CEP78: variants seen among roughly 807,000 people sequenced by gnomAD.
CEP78 encodes the protein centrosomal protein of 78 kDa.
In CEP78, 76 loss-of-function variants were observed where a neutral mutation model predicts 81.2. The observed-to-expected ratio is 0.94, with a 90% CI of 0.78 to 1.13. The LOEUF (loss-of-function observed/expected upper bound fraction) is 1.13, where lower values mean the gene tolerates loss of function less well. Ranked by LOEUF, CEP78 falls within the 50% of genes most tolerant of loss-of-function variation. The probability of loss-of-function intolerance (pLI) is 0.00; values close to 1 mark genes in which losing one functional copy is unlikely to be tolerated. For synonymous variants in CEP78, 293 were observed against 301.4 expected, an observed-to-expected ratio of 0.97 and a Z score of 0.29; for missense variants, 918 against 846.8, an observed-to-expected ratio of 1.08 and a Z score of -1.04.
Position 78,266,434 on chromosome 9 carries a change from C to T in CEP78, c.1846-8C>T. On this transcript the variant is annotated splice_polypyrimidine_tract_variant and splice_region_variant and intron_variant, in intron 15 of 16. Coordinates refer to ENST00000643273, the MANE Select transcript of CEP78 (RefSeq NM_001330691.3). ...GTCACTAAATTTTTGTTTTGTTTTT[C>T]CTTCTAGTTTCAGAAAATTACAGGT... 6.4e-7 allele frequency: 1 copy of T among 1,572,378 alleles called. No homozygotes were observed. The highest frequency in any genetic ancestry group is 8.6e-7 in the Non-Finnish European group (1 of 1,159,298).
Position 78,253,439 on chromosome 9 carries a change from C to T in CEP78, c.1251+162C>T, listed in dbSNP as rs866912585. The T allele has an allele frequency of 4.4e-5, 25 of 565,520 alleles. No homozygotes were observed. In the Middle Eastern group the frequency reaches 6.3e-3, roughly 142 times the overall value. The allele number at this position is 565,520 out of a possible 1,614,324, so 35.0% of individuals were successfully genotyped here. ...GGTTCTCCCGGTGCCACAGTATAGG[C>T]GTGTGGATATGTCACACAATGGAGG... is the stretch of plus-strand genomic sequence containing the variant. On this transcript the variant is annotated intron_variant, in intron 10 of 16. Coordinates refer to ENST00000643273, the MANE Select transcript of CEP78 (RefSeq NM_001330691.3).
chr9:78,252,119 T>A, intron 9 of CEP78, 76 bp downstream of exon 9: 1 of 1,313,828 alleles, frequency 7.6e-7, no homozygotes, highest in African/African-American at 1.5e-5. Context: ...TTCTATTATG[T>A]GAGAGTTCTC....
chr9:78,274,254 A>G lies in CEP78; in HGVS notation c.*3403A>G, dbSNP rs1827757359. On this transcript the variant is annotated 3_prime_UTR_variant, in exon 17 of 17. Transcript: ENST00000643273. ...GGCTACATTCTGTATGATTCCATTT[A>G]TATGGCATTCTTGAAAAGACAAAAC... 6.6e-6 allele frequency: 1 copy of G among 152,224 alleles called. No individual in the cohort carries two copies. The highest frequency in any genetic ancestry group is 1.5e-5 in the Non-Finnish European group (1 of 68,030). The allele number at this position is 152,224 out of a possible 1,614,324, so 9.4% of individuals were successfully genotyped here. A position where few individuals can be genotyped will look rare whatever the true frequency, so the allele number is the denominator to read the frequency against.
At chr9:78,238,700 A>G (rs979720412) in intron 1 of CEP78, among the ~76,000 whole-genome samples, 1 of 152,164 alleles carries the variant, frequency 6.6e-6, no homozygotes, top group Non-Finnish European at 1.5e-5. Flanking sequence ...TATTCTCTAC[A>G]TCTCATTCAG....
chr9:78,242,614 C>T (rs954847273), intron 4 of CEP78, among the ~76,000 whole-genome samples: 2 of 152,166 alleles, frequency 1.3e-5, no homozygotes, highest in African/African-American at 2.4e-5. Context: ...GTTATTTCCT[C>T]TTATTGCTTT....
At chr9:78,263,459 C>CTACATA (rs1563996252) in intron 12 of CEP78, among the ~76,000 whole-genome samples, 1 of 152,104 alleles carries the variant, frequency 6.6e-6, no homozygotes, top group Non-Finnish European at 1.5e-5. Context: ...AGGGCATAAA[C>CTACATA]TAGAAAGTTC....
chr9:78,279,529 T>A lies in CEP78; in HGVS notation c.*8678T>A, dbSNP rs1237831452. 1 of 152,236 alleles carries A rather than the reference T, an allele frequency of 6.6e-6. No individual in the cohort carries two copies. Among genetic ancestry groups the A allele is most frequent in the Non-Finnish European group, 1.5e-5 (1 of 68,038 alleles). 9.4% of individuals were successfully genotyped at this position (152,236 alleles called of 1,614,324 possible). ...TGAGGCCTGAGAGGTATTGATTCACTTGGTTGAGGGCTTCAAGTAGCACAA... is the reference window on the plus strand; with the variant it reads ...TGAGGCCTGAGAGGTATTGATTCACATGGTTGAGGGCTTCAAGTAGCACAA... On this transcript the variant is annotated 3_prime_UTR_variant, in exon 17 of 17. Coordinates refer to ENST00000643273, the MANE Select transcript of CEP78 (RefSeq NM_001330691.3).
At position 78,266,721 on chromosome 9, in the gene CEP78, C is replaced by T. The variant is rs1436399124; in HGVS notation, c.2107+18C>T. ...CAAAACAGGTGAATATACCAAAAAA[C>T]ACTCTGATAAGCAACACCCTGGAAA... On this transcript the variant is annotated intron_variant, in intron 16 of 16. Transcript: ENST00000643273. 9 of 1,611,340 alleles carry T rather than the reference C, an allele frequency of 5.6e-6. No homozygotes were observed. The highest frequency in any genetic ancestry group is 5.0e-5 in the Admixed American group (3 of 59,670).
chr9:78,253,612 G>A (rs1330318461), intron 10 of CEP78: 4 of 210,196 alleles, frequency 1.9e-5, no homozygotes, highest in Admixed American at 1.0e-4. Flanking sequence ...TAAAAGAAAT[G>A]TTCTTGGGGG....
At chr9:78,262,801 C>T in intron 11 of CEP78, 106 bp from the exon 12 acceptor site, 1 of 567,326 alleles carries the variant, frequency 1.8e-6, no homozygotes, top group Non-Finnish European at 3.0e-6. Context: ...TATCTGAGTT[C>T]ACTTCTGGCT....
Position 78,248,744 on chromosome 9 carries a change from T to A in CEP78, c.958-18T>A. The A allele has an allele frequency of 2.3e-6, 3 of 1,290,310 alleles. No homozygotes were observed. The highest frequency in any genetic ancestry group is 3.3e-6 in the Non-Finnish European group (3 of 913,880). 79.9% of individuals were successfully genotyped at this position (1,290,310 alleles called of 1,614,324 possible). Reference sequence around the variant, plus strand: ...ATGATCTGTAACTGAAATATAGTGTTTATTCTGTCTCTTTTAGTACCAGTG... The same window carrying A: ...ATGATCTGTAACTGAAATATAGTGTATATTCTGTCTCTTTTAGTACCAGTG... On this transcript the variant is annotated intron_variant, in intron 7 of 16. Transcript: ENST00000643273.
intron 8 of CEP78, 151 bp from the exon 9 acceptor site, chr9:78,251,757 A>T (rs1189723477): frequency 4.7e-6 from 2 of 426,080 alleles, no homozygotes; most frequent in Non-Finnish European, 8.2e-6. Context: ...TGGCCTGTGT[A>T]AAAAGGTATT....
intron 2 of CEP78, 30 bp downstream of exon 2, chr9:78,240,225 A>C: frequency 6.2e-7 from 1 of 1,613,062 alleles, no homozygotes; most frequent in Non-Finnish European, 8.5e-7. Flanking sequence ...GCTTGTAGAC[A>C]TTTGATAGTT....
intron 11 of CEP78, among the ~76,000 whole-genome samples, chr9:78,255,663 G>A (rs1233396085): frequency 6.6e-6 from 1 of 152,160 alleles, no homozygotes; most frequent in South Asian, 2.1e-4. Context: ...ATTAAAATTA[G>A]TGATATTTAT....
intron 1 of CEP78, among the ~76,000 whole-genome samples, chr9:78,239,232 T>A (rs2118098613): frequency 6.6e-6 from 1 of 152,294 alleles, no homozygotes; most frequent in Non-Finnish European, 1.5e-5. Context: ...CTTAATTACA[T>A]TTTGCCTGGA....
chr9:78,253,224 CT>C lies in CEP78; in HGVS notation c.1206-3del. 4.0e-6 allele frequency: 5 copies of C among 1,236,522 alleles called. No individual in the cohort carries two copies. Among genetic ancestry groups the C allele is most frequent in the Non-Finnish European group, 4.7e-6 (4 of 853,234 alleles). 76.6% of individuals were successfully genotyped at this position (1,236,522 alleles called of 1,614,324 possible). A position where few individuals can be genotyped will look rare whatever the true frequency, so the allele number is the denominator to read the frequency against. ...AAAATATAACTTAATTTATCGATAT[CT>C]TTTTAGGGGTTTCCCATTAATCAAA... On this transcript the variant is annotated splice_polypyrimidine_tract_variant and splice_region_variant and intron_variant, in intron 9 of 16. Transcript: ENST00000643273.
At chr9:78,265,177 T>G (rs1827459786) in intron 13 of CEP78, among the ~76,000 whole-genome samples, 195 bp from the exon 14 acceptor site, 1 of 152,208 alleles carries the variant, frequency 6.6e-6, no homozygotes, top group Non-Finnish European at 1.5e-5. Context: ...GATTGGATGA[T>G]ATGATATGGT....
chr9:78,246,094 CTGTAAT>C (rs1826465668), intron 5 of CEP78, among the ~76,000 whole-genome samples: 1 of 152,086 alleles, frequency 6.6e-6, no homozygotes, highest in Non-Finnish European at 1.5e-5. Flanking sequence ...TTTTTCAACT[CTGTAAT>C]TGTAAAATAT....
intron 5 of CEP78, 62 bp from the exon 6 acceptor site, chr9:78,246,603 AAAAC>A (rs940929078): frequency 1.3e-4 from 146 of 1,083,746 alleles, no homozygotes; most frequent in East Asian, 4.6e-4. Flanking sequence ...CCGTCTCAAA[AAAAC>A]AAACAAACAA....
Sources: gnomAD v4.1 joint callset for allele counts (sites outside exome capture counted in the v4.1 genomes callset) on GRCh38, gnomAD v4.1.1 for gene constraint, MANE v1.5 for transcripts, NCBI Gene and HGNC (gene_info 2026-07-23, HGNC 2026-07-21) for gene names.